TXNRD1: variants seen among roughly 807,000 people sequenced by gnomAD.
TXNRD1 encodes thioredoxin reductase 1, cytoplasmic.
In TXNRD1, 57 loss-of-function variants were observed where a neutral mutation model predicts 80.3. That is an observed-to-expected ratio of 0.71 (90% CI 0.57 to 0.89). The LOEUF (loss-of-function observed/expected upper bound fraction) is 0.89. Ranked by LOEUF, TXNRD1 falls within the 40% of genes least tolerant of loss-of-function variation. The pLI is 0.00. For synonymous variants in TXNRD1, 291 were observed against 285.2 expected, an observed-to-expected ratio of 1.02 and a Z score of -0.20; for missense variants, 730 against 803.0, an observed-to-expected ratio of 0.91 and a Z score of 1.10.
intron 2 of TXNRD1, among the ~76,000 whole-genome samples, chr12:104,254,228 G>T (rs1175631187): frequency 6.6e-6 from 1 of 152,066 alleles, no homozygotes; most frequent in African/African-American, 2.4e-5. Context: ...ATTTATAAAA[G>T]CCATAGAACA....
intron 10 of TXNRD1, among the ~76,000 whole-genome samples, chr12:104,322,971 C>T (rs977207702): frequency 7.4e-6 from 1 of 134,838 alleles, no homozygotes; most frequent in Non-Finnish European, 1.6e-5. Context: ...TGTTTGTGTC[C>T]CTGATTACTT....
chr12:104,312,255 G>A (rs1224308659), intron 5 of TXNRD1, among the ~76,000 whole-genome samples: 2 of 152,110 alleles, frequency 1.3e-5, no homozygotes, highest in Non-Finnish European at 2.9e-5. Flanking sequence ...TAACTCTGTG[G>A]TCTGAGGGTG....
At chr12:104,314,555 T>C (rs1021422290) in intron 6 of TXNRD1, among the ~76,000 whole-genome samples, 2 of 152,102 alleles carry the variant, frequency 1.3e-5, no homozygotes, top group East Asian at 1.9e-4. Context: ...TTCACTCTTA[T>C]GTCATTTTGG....
intron 1 of TXNRD1, among the ~76,000 whole-genome samples, chr12:104,222,695 G>A (rs1175376150): frequency 4.6e-5 from 7 of 152,070 alleles, no homozygotes; most frequent in Admixed American, 2.6e-4. Context: ...TGTACTAAAA[G>A]TACAAAAATT....
chr12:104,291,139 A>G (rs1253022381), intron 4 of TXNRD1: 1 of 602,816 alleles, frequency 1.7e-6, no homozygotes, highest in Non-Finnish European at 2.9e-6. Flanking sequence ...TACCATCAAG[A>G]ACACTTAAAA....
intron 3 of TXNRD1, among the ~76,000 whole-genome samples, chr12:104,269,510 C>G (rs1389009043): frequency 6.6e-6 from 1 of 151,214 alleles, no homozygotes; most frequent in Non-Finnish European, 1.5e-5. Flanking sequence ...AGTGATCCTC[C>G]TGCCTCAGCC....
intron 3 of TXNRD1, among the ~76,000 whole-genome samples, chr12:104,264,734 T>C (rs2135716181): frequency 6.6e-6 from 1 of 152,332 alleles, no homozygotes; most frequent in Middle Eastern, 3.4e-3. Context: ...ATTTGGACAG[T>C]CTATTGCCAA....
chr12:104,243,480 G>C (rs941313906), intron 1 of TXNRD1, among the ~76,000 whole-genome samples: 2 of 152,150 alleles, frequency 1.3e-5, no homozygotes, highest in African/African-American at 4.8e-5. Context: ...TCAGACCCAA[G>C]AGTAATATTT....
At chr12:104,254,644 A>AAATAT in intron 2 of TXNRD1, among the ~76,000 whole-genome samples, 6 of 93,632 alleles carry the variant, frequency 6.4e-5, no homozygotes, top group African/African-American at 3.1e-4. Context: ...AAAAAAAAAA[A>AAATAT]ATATATATAT....
chr12:104,251,514 C>T lies in TXNRD1; in HGVS notation c.92-13C>T. Reference sequence around the variant, plus strand: ...TTTGTGATAATTACCATCCTTACTTCCATTACTTCTAGCTAAAGATCATCA... The same window carrying T: ...TTTGTGATAATTACCATCCTTACTTTCATTACTTCTAGCTAAAGATCATCA... On this transcript the variant is annotated splice_polypyrimidine_tract_variant and intron_variant, in intron 1 of 16. Coordinates refer to ENST00000525566, the MANE Select transcript of TXNRD1 (RefSeq NM_001093771.3). 1 of 1,612,206 alleles carries T rather than the reference C, an allele frequency of 6.2e-7. No individual in the cohort carries two copies. Among genetic ancestry groups the T allele is most frequent in the Non-Finnish European group, 8.5e-7 (1 of 1,179,048 alleles).
At chr12:104,311,921 C>T (rs2035148332) in intron 5 of TXNRD1, among the ~76,000 whole-genome samples, 1 of 152,054 alleles carries the variant, frequency 6.6e-6, no homozygotes, top group Non-Finnish European at 1.5e-5. Context: ...GCCGAGTTTG[C>T]AGTGAGCTGA....
intron 1 of TXNRD1, among the ~76,000 whole-genome samples, chr12:104,218,119 C>T (rs143002991): frequency 0.016 from 2,464 of 152,138 alleles, 49 homozygotes; most frequent in African/African-American, 0.056. Flanking sequence ...TCTCCGCCTC[C>T]TGGGTTCAAG....
At chr12:104,255,135 GAAAT>G (rs984241928) in intron 2 of TXNRD1, among the ~76,000 whole-genome samples, 9 of 151,786 alleles carry the variant, frequency 5.9e-5, no homozygotes, top group Admixed American at 1.3e-4. Context: ...TAAAAATTAA[GAAAT>G]AAATAAATAA....
chr12:104,239,340 T>G (rs1030047021), intron 1 of TXNRD1, among the ~76,000 whole-genome samples: 5 of 152,036 alleles, frequency 3.3e-5, no homozygotes, highest in African/African-American at 1.2e-4. Context: ...ATTACAGGCG[T>G]GTGCCACTAC....
At chr12:104,345,682 A>G (rs1292857857) in intron 16 of TXNRD1, among the ~76,000 whole-genome samples, 1 of 113,606 alleles carries the variant, frequency 8.8e-6, no homozygotes, top group African/African-American at 3.4e-5. Flanking sequence ...ACAATAGTTC[A>G]AGAGGAAAAC....
chr12:104,296,456 G>A lies in TXNRD1; in HGVS notation c.414+7416G>A, dbSNP rs147027335. ...GCAAGGTCTTGCTCTAACCCAGGCTGGAGTGCGGTGGCACTATCATGGCTC... is the reference window on the plus strand; with the variant it reads ...GCAAGGTCTTGCTCTAACCCAGGCTAGAGTGCGGTGGCACTATCATGGCTC... On this transcript the variant is annotated intron_variant, in intron 4 of 16. Transcript: ENST00000525566. 6.3e-3 allele frequency among the ~76,000 whole-genome samples: 961 copies of A among 152,278 alleles called. 9 individuals carry two copies. The highest frequency in any genetic ancestry group is 0.022 in the African/African-American group (907 of 41,530).
chr12:104,347,456 A>G (rs1565919789), intron 16 of TXNRD1, among the ~76,000 whole-genome samples: 1 of 152,236 alleles, frequency 6.6e-6, no homozygotes, highest in African/African-American at 2.4e-5. Context: ...GTCCACAACC[A>G]TCAAATGTTT....
chr12:104,318,049 G>T (rs1328297873), intron 7 of TXNRD1, among the ~76,000 whole-genome samples: 1 of 152,226 alleles, frequency 6.6e-6, no homozygotes, highest in Non-Finnish European at 1.5e-5. Flanking sequence ...GCTGAGGCAC[G>T]AGAATAGCTT....
At chr12:104,312,287 T>C (rs1254950856) in intron 5 of TXNRD1, among the ~76,000 whole-genome samples, 1 of 152,156 alleles carries the variant, frequency 6.6e-6, no homozygotes, top group East Asian at 1.9e-4. Context: ...GATGTATAAA[T>C]AAAGAAGGTT....
Sources: gnomAD v4.1 joint callset for allele counts (sites outside exome capture counted in the v4.1 genomes callset) on GRCh38, gnomAD v4.1.1 for gene constraint, MANE v1.5 for transcripts, NCBI Gene and HGNC (gene_info 2026-07-23, HGNC 2026-07-21) for gene names.